PARP8: variants seen among roughly 807,000 people sequenced by gnomAD.
PARP8 encodes protein mono-ADP-ribosyltransferase PARP8.
A neutral mutation model predicts 124.1 loss-of-function variants in PARP8; 51 were observed. That is an observed-to-expected ratio of 0.41 (90% confidence interval 0.33 to 0.52). The LOEUF (loss-of-function observed/expected upper bound fraction) is 0.52. Ranked by LOEUF, PARP8 falls within the 20% of genes least tolerant of loss-of-function variation. The pLI is 0.21. For missense variants in PARP8, 860 were observed against 1,018.9 expected (o/e 0.84, Z 2.12); for synonymous variants, 391 against 361.5 (o/e 1.08, Z -0.93).
chr5:50,817,617 T>C (rs1745247807), intron 15 of PARP8, among the ~76,000 whole-genome samples: 1 of 152,194 alleles, frequency 6.6e-6, no homozygotes, highest in Non-Finnish European at 1.5e-5. Context: ...TTCAACAGAA[T>C]AGTTCCATTT....
At chr5:50,816,093 T>C (rs1298701994) in intron 15 of PARP8, among the ~76,000 whole-genome samples, 1 of 152,090 alleles carries the variant, frequency 6.6e-6, no homozygotes, top group Non-Finnish European at 1.5e-5. Context: ...TAAGAGAGAC[T>C]AGACCAACCA....
intron 1 of PARP8, chr5:50,667,828 G>A (rs1185251233): frequency 7.4e-6 from 9 of 1,216,670 alleles, no homozygotes; most frequent in East Asian, 2.5e-5. Context: ...CTCCCCTATC[G>A]GGAAATTCCC....
intron 3 of PARP8, among the ~76,000 whole-genome samples, chr5:50,755,171 G>T (rs1284853540): frequency 1.3e-5 from 2 of 152,102 alleles, no homozygotes; most frequent in Non-Finnish European, 2.9e-5. Flanking sequence ...CTGTGCAGAA[G>T]CTCTTTAGTT....
At chr5:50,721,724 A>G (rs756494742) in intron 2 of PARP8, among the ~76,000 whole-genome samples, 1 of 152,110 alleles carries the variant, frequency 6.6e-6, no homozygotes. Context: ...TTTTAAACAT[A>G]CTAGTGTCTT....
At chr5:50,706,833 C>A (rs143252912) in intron 2 of PARP8, among the ~76,000 whole-genome samples, 39 of 152,102 alleles carry the variant, frequency 2.6e-4, no homozygotes, top group Admixed American at 1.4e-3. Context: ...ATACCTTTTA[C>A]CAGAGTGCTT....
chr5:50,702,354 T>C (rs1190502037), intron 2 of PARP8, among the ~76,000 whole-genome samples: 2 of 152,158 alleles, frequency 1.3e-5, no homozygotes, highest in Non-Finnish European at 2.9e-5. Context: ...GAAAAATCCT[T>C]TGATGGGATA....
chr5:50,813,629 G>A (rs1561418883), intron 14 of PARP8, among the ~76,000 whole-genome samples: 1 of 152,122 alleles, frequency 6.6e-6, no homozygotes, highest in Non-Finnish European at 1.5e-5. Context: ...CCAACACTAT[G>A]TTAAATAGGA....
chr5:50,756,123 G>C (rs1759917753), intron 3 of PARP8, among the ~76,000 whole-genome samples: 1 of 152,164 alleles, frequency 6.6e-6, no homozygotes, highest in Non-Finnish European at 1.5e-5. Context: ...CATGTCATCT[G>C]CAAACAGGGA....
In PARP8 at chr5:50,755,995, T is replaced by A. The variant is rs1759902184; in HGVS notation, c.185-3648T>A. Reference sequence around the variant, plus strand: ...TGGCTCTCTGTTTGTCTGTTATTGGTGTATAAGAATGCTTGTGATTTTTGT... The same window carrying A: ...TGGCTCTCTGTTTGTCTGTTATTGGAGTATAAGAATGCTTGTGATTTTTGT... On this transcript the variant is annotated intron_variant, in intron 3 of 25. Coordinates refer to ENST00000281631, the MANE Select transcript of PARP8 (RefSeq NM_024615.4). 5.9e-5 allele frequency among the ~76,000 whole-genome samples: 9 copies of A among 152,148 alleles called. No homozygotes were observed. The South Asian group carries it at 1.9e-3, about 32-fold the overall frequency.
intron 2 of PARP8, among the ~76,000 whole-genome samples, chr5:50,747,316 A>G (rs1302648368): frequency 6.6e-6 from 1 of 152,012 alleles, no homozygotes; most frequent in Admixed American, 6.5e-5. Context: ...GGTATAAGCT[A>G]TGCTGACTCA....
At chr5:50,762,302 T>C (rs111795741) in intron 6 of PARP8, among the ~76,000 whole-genome samples, 2,241 of 152,298 alleles carry the variant, frequency 0.015, 58 homozygotes, top group African/African-American at 0.052. Flanking sequence ...CCCACATTAC[T>C]GAGCATCTTC....
chr5:50,802,362 G>A (rs1357086082), intron 14 of PARP8, among the ~76,000 whole-genome samples: 1 of 151,966 alleles, frequency 6.6e-6, no homozygotes, highest in African/African-American at 2.4e-5. Flanking sequence ...CCTCTAGACC[G>A]GAGTACAGTG....
At chr5:50,692,903 A>G (rs554873444) in intron 2 of PARP8, among the ~76,000 whole-genome samples, 1 of 152,268 alleles carries the variant, frequency 6.6e-6, no homozygotes, top group African/African-American at 2.4e-5. Context: ...TCACTGAGAG[A>G]GACTTCAACA....
intron 10 of PARP8, among the ~76,000 whole-genome samples, chr5:50,789,520 C>T (rs1459763871): frequency 2.6e-5 from 4 of 152,266 alleles, no homozygotes; most frequent in Admixed American, 2.0e-4. Flanking sequence ...CGCCAGCCTT[C>T]CACACAGAGG....
chr5:50,741,374 T>A (rs1758025508), intron 2 of PARP8, among the ~76,000 whole-genome samples: 1 of 152,194 alleles, frequency 6.6e-6, no homozygotes, highest in South Asian at 2.1e-4. Flanking sequence ...TTTAAATATG[T>A]TGTTGTCTTT....
At position 50,815,612 on chromosome 5, in the gene PARP8, G is replaced by A; in HGVS notation, c.1668+88G>A. On this transcript the variant is annotated intron_variant, in intron 15 of 25. Coordinates refer to ENST00000281631, the MANE Select transcript of PARP8 (RefSeq NM_024615.4). ...GTTATCTTCATTCTGCTATTCTTTG[G>A]GGAAAATATTTGATAACTTCTAGTT... The A allele has an allele frequency of 3.3e-6, 3 of 915,404 alleles. No individual in the cohort carries two copies. In the South Asian group the frequency reaches 7.4e-5, roughly 22 times the overall value. 56.7% of individuals were successfully genotyped at this position (915,404 alleles called of 1,614,324 possible).
chr5:50,742,038 G>A (rs775358469), intron 2 of PARP8: 7 of 271,904 alleles, frequency 2.6e-5, no homozygotes, highest in Admixed American at 5.0e-5. Context: ...TCGAACTCTT[G>A]AACTCAGGTG....
At chr5:50,675,140 A>G (rs926780471) in intron 2 of PARP8, among the ~76,000 whole-genome samples, 1 of 152,224 alleles carries the variant, frequency 6.6e-6, no homozygotes, top group East Asian at 1.9e-4. Context: ...ACCTTTGTGC[A>G]GTCAGGTCAA....
chr5:50,732,398 CAA>C (rs1369758590), intron 2 of PARP8, among the ~76,000 whole-genome samples: 1 of 151,984 alleles, frequency 6.6e-6, no homozygotes, highest in Non-Finnish European at 1.5e-5. Context: ...TAAATGCAAA[CAA>C]TATTTTGTAA....
Sources: gnomAD v4.1 joint callset for allele counts (sites outside exome capture counted in the v4.1 genomes callset) on GRCh38, gnomAD v4.1.1 for gene constraint, MANE v1.5 for transcripts, NCBI Gene and HGNC (gene_info 2026-07-23, HGNC 2026-07-21) for gene names.